CPQ: variants seen among roughly 807,000 people sequenced by gnomAD.
CPQ encodes the protein Ser-Met dipeptidase.
Under a neutral mutation model 45.7 loss-of-function variants are expected in CPQ, and 37 were observed. The ratio of observed to expected loss-of-function variants is 0.81; its 90% confidence interval spans 0.62 to 1.07. The LOEUF is 1.07. Among genes scored for constraint, CPQ ranks in the 50% least tolerant of loss-of-function variants. The pLI is 0.00. For missense variants in CPQ, 537 were observed against 572.9 expected, an observed-to-expected ratio of 0.94 and a Z score of 0.64; for synonymous variants, 186 against 205.8, an observed-to-expected ratio of 0.90 and a Z score of 0.82.
chr8:96,920,220 G>A (rs1309070046), intron 4 of CPQ, among the ~76,000 whole-genome samples: 1 of 152,050 alleles, frequency 6.6e-6, no homozygotes, highest in Non-Finnish European at 1.5e-5. Context: ...TGGGAACTGG[G>A]CACAGACAAT....
At chr8:96,920,914 T>C (rs1195851783) in intron 4 of CPQ, among the ~76,000 whole-genome samples, 2 of 152,202 alleles carry the variant, frequency 1.3e-5, no homozygotes, top group Non-Finnish European at 2.9e-5. Context: ...AGCCACCCTG[T>C]CTGTGGGATT....
In CPQ at chr8:97,045,037, A is replaced by C. The variant is rs923694628; in HGVS notation, c.1053+15543A>C. ...CAAAGCTGTCAGACAGGGACATTTA[A>C]GTCTGCAGAGGTTACTGCTGTCTTT... is the stretch of plus-strand genomic sequence containing the variant. On this transcript the variant is annotated intron_variant, in intron 6 of 7. Transcript: ENST00000220763. 7.2e-4 allele frequency among the ~76,000 whole-genome samples: 109 copies of C among 152,288 alleles called. 2 individuals are homozygous for C. The highest frequency in any genetic ancestry group is 2.9e-4 in the Non-Finnish European group (20 of 68,004).
chr8:96,888,348 A>G (rs1331454975), intron 4 of CPQ, among the ~76,000 whole-genome samples: 1 of 152,178 alleles, frequency 6.6e-6, no homozygotes, highest in Non-Finnish European at 1.5e-5. Flanking sequence ...CTTCATCTAT[A>G]GAAGGAGGAA....
rs547581684 is a variant in CPQ, at chr8:96,738,758, A to G, written c.-34-46106A>G. Among the ~76,000 whole-genome samples, 57 of 152,126 alleles carry G rather than the reference A, an allele frequency of 3.7e-4. 1 individual carries two copies. The highest frequency in any genetic ancestry group is 1.3e-3 in the African/African-American group (55 of 41,508). The stretch of plus-strand genomic sequence containing the variant: ...AGTTTACTGAGAATGATGATTTCCA[A>G]TTTCATCCGTGTCCCTACAAAGGAC... On this transcript the variant is annotated intron_variant, in intron 1 of 7. Coordinates refer to ENST00000220763, the MANE Select transcript of CPQ (RefSeq NM_016134.4).
At chr8:96,838,975 G>A (rs1172604412) in intron 3 of CPQ, among the ~76,000 whole-genome samples, 1 of 152,006 alleles carries the variant, frequency 6.6e-6, no homozygotes, top group Non-Finnish European at 1.5e-5. Context: ...GTTTTGAGTT[G>A]CTGATTAAGG....
At chr8:96,753,064 T>G (rs1810282085) in intron 1 of CPQ, among the ~76,000 whole-genome samples, 1 of 152,194 alleles carries the variant, frequency 6.6e-6, no homozygotes, top group East Asian at 1.9e-4. Context: ...AAAATGTATT[T>G]GAAATTAATT....
chr8:96,820,458 T>C (rs917829973), intron 2 of CPQ, among the ~76,000 whole-genome samples: 1 of 152,020 alleles, frequency 6.6e-6, no homozygotes, highest in African/African-American at 2.4e-5. Flanking sequence ...TATTTGTTTC[T>C]TTGACTCTTC....
At chr8:97,088,437 C>CT (rs1811074690) in intron 7 of CPQ, among the ~76,000 whole-genome samples, 1 of 152,128 alleles carries the variant, frequency 6.6e-6, no homozygotes, top group Non-Finnish European at 1.5e-5. Flanking sequence ...CCAAATGAGA[C>CT]TTTTCTAAAA....
intron 1 of CPQ, among the ~76,000 whole-genome samples, chr8:96,734,267 A>G (rs1300092878): frequency 2.0e-5 from 3 of 152,012 alleles, no homozygotes; most frequent in Non-Finnish European, 4.4e-5. Context: ...CATCTCTACA[A>G]TCTTCTCTTT....
At chr8:96,742,460 A>G (rs1359652337) in intron 1 of CPQ, among the ~76,000 whole-genome samples, 2 of 152,074 alleles carry the variant, frequency 1.3e-5, no homozygotes, top group African/African-American at 4.8e-5. Flanking sequence ...TAATTGGAGC[A>G]TTTAGTGCAT....
At chr8:97,065,952 C>A in intron 6 of CPQ, 57 bp from the exon 7 acceptor site, 1 of 1,539,654 alleles carries the variant, frequency 6.5e-7, no homozygotes, top group East Asian at 2.3e-5. Flanking sequence ...TGATAGTTCC[C>A]AAGGAGAAAG....
chr8:96,796,408 AATTG>A (rs1308562668), intron 2 of CPQ, among the ~76,000 whole-genome samples: 25 of 152,156 alleles, frequency 1.6e-4, no homozygotes, highest in African/African-American at 4.6e-4. Context: ...AATCAATTGT[AATTG>A]ATTGTCCTAT....
chr8:96,824,585 A>G (rs1269145955), intron 2 of CPQ, among the ~76,000 whole-genome samples: 1 of 152,062 alleles, frequency 6.6e-6, no homozygotes, highest in South Asian at 2.1e-4. Context: ...AAAATTGTAT[A>G]GATAGAATAG....
At chr8:96,771,922 G>T (rs1026362968) in intron 1 of CPQ, among the ~76,000 whole-genome samples, 2 of 151,704 alleles carry the variant, frequency 1.3e-5, no homozygotes, top group African/African-American at 2.4e-5. Context: ...GATCCCAGGG[G>T]TTCAAACATG....
chr8:96,762,930 G>A (rs1466140671), intron 1 of CPQ, among the ~76,000 whole-genome samples: 1 of 152,178 alleles, frequency 6.6e-6, no homozygotes, highest in African/African-American at 2.4e-5. Flanking sequence ...AAGCATCACA[G>A]ATTAAGTGGC....
chr8:97,076,664 G>C (rs902420570), intron 7 of CPQ, among the ~76,000 whole-genome samples: 3 of 152,146 alleles, frequency 2.0e-5, no homozygotes, highest in African/African-American at 7.2e-5. Context: ...CCTGTGGATT[G>C]AGTTAAATCT....
At chr8:96,782,406 G>A (rs933910009) in intron 1 of CPQ, among the ~76,000 whole-genome samples, 3 of 152,124 alleles carry the variant, frequency 2.0e-5, no homozygotes, top group African/African-American at 4.8e-5. Context: ...CAGAATGTGG[G>A]GAACAGACAT....
chr8:96,995,499 T>A (rs1024974035), intron 5 of CPQ, among the ~76,000 whole-genome samples: 1 of 151,936 alleles, frequency 6.6e-6, no homozygotes, highest in African/African-American at 2.4e-5. Flanking sequence ...AACAGAGGAA[T>A]TGGCATTCTA....
chr8:96,680,531 C>G (rs1485220250), intron 1 of CPQ: 1 of 152,232 alleles, frequency 6.6e-6, no homozygotes, highest in Non-Finnish European at 1.5e-5. Context: ...TATGAGGCCT[C>G]CCAGCCCTGT....
Sources: gnomAD v4.1 joint callset for allele counts (sites outside exome capture counted in the v4.1 genomes callset) on GRCh38, gnomAD v4.1.1 for gene constraint, MANE v1.5 for transcripts, NCBI Gene and HGNC (gene_info 2026-07-23, HGNC 2026-07-21) for gene names.